The following IQCJ variants were observed in gnomAD, a reference collection of about 807,000 sequenced individuals.
IQCJ encodes IQ motif containing J.
In IQCJ, 9 loss-of-function variants were observed where a neutral mutation model predicts 11.0. The ratio of observed to expected loss-of-function variants is 0.82; its 90% CI spans 0.49 to 1.43. The LOEUF is 1.43. IQCJ is among the 40% of genes most tolerant of loss of function. IQCJ has a pLI of 0.00. For missense variants in IQCJ, 146 were observed against 133.2 expected (o/e 1.10, Z -0.47); for synonymous variants, 55 against 51.3 (o/e 1.07, Z -0.31).
chr3:159,075,536 A>G (rs1323522394), intron 1 of IQCJ, among the ~76,000 whole-genome samples: 1 of 151,994 alleles, frequency 6.6e-6, no homozygotes, highest in East Asian at 1.9e-4. Context: ...GGATTTGCAC[A>G]CTCTGACCTC....
intron 1 of IQCJ, among the ~76,000 whole-genome samples, chr3:159,185,093 G>T (rs1723305059): frequency 6.6e-6 from 1 of 152,152 alleles, no homozygotes; most frequent in African/African-American, 2.4e-5. Flanking sequence ...ACTTCTGTCA[G>T]CTCCAGAGCC....
chr3:159,150,270 T>C (rs2108200163), intron 1 of IQCJ, among the ~76,000 whole-genome samples: 1 of 152,226 alleles, frequency 6.6e-6, no homozygotes, highest in East Asian at 1.9e-4. Flanking sequence ...TATTGTATCA[T>C]AAGCAGTTGC....
In IQCJ at chr3:159,073,461, G is replaced by A. The variant is rs112348242; in HGVS notation, c.9+4020G>A. Among the ~76,000 whole-genome samples, 3 of 152,194 alleles carry A rather than the reference G, an allele frequency of 2.0e-5. 1 individual carries two copies. The highest frequency in any genetic ancestry group is 7.2e-5 in the African/African-American group (3 of 41,552). On this transcript the variant is annotated intron_variant, in intron 1 of 3. Transcript: ENST00000397832. ...CTATGCTTTGGGTCATTCAAGTGCT[G>A]AGTGGGCACCTCAGAGTAAGTGTCT...
intron 1 of IQCJ, among the ~76,000 whole-genome samples, chr3:159,168,868 C>T (rs1722324946): frequency 6.6e-6 from 1 of 151,854 alleles, no homozygotes; most frequent in Non-Finnish European, 1.5e-5. Context: ...ACCCACATAC[C>T]TGAAGTTACT....
intron 1 of IQCJ, among the ~76,000 whole-genome samples, chr3:159,153,705 A>G (rs931541458): frequency 1.3e-5 from 2 of 152,194 alleles, no homozygotes; most frequent in Non-Finnish European, 2.9e-5. Context: ...GTGACTACCC[A>G]AGATCTTTTA....
At chr3:159,183,333 A>C (rs1723200052) in intron 1 of IQCJ, among the ~76,000 whole-genome samples, 1 of 152,110 alleles carries the variant, frequency 6.6e-6, no homozygotes. Flanking sequence ...TTTTTATTTC[A>C]TTATGAAGTC....
rs188088426 is a variant in IQCJ, at chr3:159,249,304, G to A, written c.74+3397G>A. Among the ~76,000 whole-genome samples the A allele has an allele frequency of 2.0e-5, 3 of 152,210 alleles. No homozygotes were observed. The East Asian group carries it at 5.8e-4, about 29-fold the overall frequency. ...TTTGAAAATTAATGGTATATACGTG[G>A]GTTTCCATCTGCCCCACCCTACTCT... On this transcript the variant is annotated intron_variant, in intron 2 of 3. Transcript: ENST00000397832.
At chr3:159,145,280 G>A (rs143796987) in intron 1 of IQCJ, among the ~76,000 whole-genome samples, 1 of 152,178 alleles carries the variant, frequency 6.6e-6, no homozygotes, top group Non-Finnish European at 1.5e-5. Flanking sequence ...GTGGAGAAAG[G>A]GTCAAACCAG....
At chr3:159,151,932 C>T (rs1721253039) in intron 1 of IQCJ, among the ~76,000 whole-genome samples, 1 of 152,262 alleles carries the variant, frequency 6.6e-6, no homozygotes, top group South Asian at 2.1e-4. Flanking sequence ...TCACACCCAG[C>T]TCAGACTAGA....
intron 1 of IQCJ, among the ~76,000 whole-genome samples, chr3:159,217,604 G>A (rs1049316433): frequency 6.6e-5 from 10 of 152,070 alleles, no homozygotes; most frequent in African/African-American, 2.2e-4. Flanking sequence ...CTTACCAGAG[G>A]TACTCTCCTT....
intron 2 of IQCJ, among the ~76,000 whole-genome samples, 198 bp from the exon 3 acceptor site, chr3:159,252,529 A>T (rs1477181772): frequency 6.6e-6 from 1 of 152,222 alleles, no homozygotes; most frequent in Non-Finnish European, 1.5e-5. Context: ...GGACAACAGA[A>T]ATAAAAGTCA....
At chr3:159,103,102 A>T (rs986881963) in intron 1 of IQCJ, among the ~76,000 whole-genome samples, 2 of 152,206 alleles carry the variant, frequency 1.3e-5, no homozygotes. Context: ...AATTAATGGT[A>T]TATTTCAGTT....
At chr3:159,075,427 A>G (rs1259807688) in intron 1 of IQCJ, among the ~76,000 whole-genome samples, 6 of 152,138 alleles carry the variant, frequency 3.9e-5, no homozygotes, top group Non-Finnish European at 8.8e-5. Flanking sequence ...AGCTGTGACA[A>G]TCAAAAGATA....
At chr3:159,224,620 C>A (rs190540810) in intron 1 of IQCJ, among the ~76,000 whole-genome samples, 1 of 152,228 alleles carries the variant, frequency 6.6e-6, no homozygotes, top group African/African-American at 2.4e-5. Flanking sequence ...GATCAGTAGA[C>A]CACTATGAAC....
At chr3:159,177,732 G>A (rs73877516) in intron 1 of IQCJ, among the ~76,000 whole-genome samples, 4,282 of 152,156 alleles carry the variant, frequency 0.028, 188 homozygotes, top group African/African-American at 0.098. Flanking sequence ...AAGAATAACC[G>A]TTATTTTAGA....
At chr3:159,255,061 A>G (rs1397432922) in intron 3 of IQCJ, among the ~76,000 whole-genome samples, 1 of 152,178 alleles carries the variant, frequency 6.6e-6, no homozygotes, top group African/African-American at 2.4e-5. Flanking sequence ...TTTCCAAGAT[A>G]AGTTTTTTTA....
chr3:159,209,032 C>T (rs1724806029), intron 1 of IQCJ, among the ~76,000 whole-genome samples: 1 of 152,170 alleles, frequency 6.6e-6, no homozygotes, highest in Non-Finnish European at 1.5e-5. Context: ...ACTCACAAGC[C>T]TGAACCCACG....
intron 1 of IQCJ, among the ~76,000 whole-genome samples, chr3:159,125,383 A>T (rs1361641646): frequency 6.6e-6 from 1 of 152,204 alleles, no homozygotes; most frequent in Non-Finnish European, 1.5e-5. Context: ...GGCATCCCAG[A>T]TGGGATCTTA....
intron 1 of IQCJ, among the ~76,000 whole-genome samples, chr3:159,152,182 G>A (rs544934959): frequency 1.1e-4 from 17 of 152,294 alleles, no homozygotes; most frequent in African/African-American, 4.1e-4. Flanking sequence ...CCATCAAGTA[G>A]GTCCCCATGG....
Sources: allele counts gnomAD v4.1 joint callset (sites outside exome capture counted in the v4.1 genomes callset), GRCh38; gene constraint gnomAD v4.1.1; transcripts MANE v1.5; gene names NCBI Gene and HGNC (gene_info 2026-07-23, HGNC 2026-07-21).